The following PTPRD variants were observed in gnomAD, a reference collection of about 807,000 sequenced individuals.
PTPRD encodes the protein protein tyrosine phosphatase receptor type D.
A neutral mutation model predicts 214.5 loss-of-function variants in PTPRD; 34 were observed. The observed-to-expected ratio is 0.16, with a 90% confidence interval of 0.12 to 0.21. The LOEUF (loss-of-function observed/expected upper bound fraction) is 0.21. PTPRD is among the 10% of genes least tolerant of loss of function. The probability of loss-of-function intolerance (pLI) is 1.00; values close to 1 mark genes in which losing one functional copy is unlikely to be tolerated. For missense variants in PTPRD, 2,545 were observed against 2,398.7 expected (o/e 1.06, Z -1.27); for synonymous variants, 1,128 against 845.7 (o/e 1.33, Z -5.79).
intron 11 of PTPRD, chr9:8,860,145 CAG>C (rs1365812244): frequency 1.3e-5 from 2 of 152,192 alleles, no homozygotes; most frequent in Admixed American, 6.5e-5. Flanking sequence ...GTTAGAGAAA[CAG>C]AAAGTTTTAA....
At chr9:9,409,211 G>C (rs978360048) in intron 8 of PTPRD, among the ~76,000 whole-genome samples, 36 of 151,700 alleles carry the variant, frequency 2.4e-4, no homozygotes, top group African/African-American at 8.2e-4. Flanking sequence ...AAAGTCAGGG[G>C]TATTCTATGA....
chr9:9,083,797 A>T (rs1274538627), intron 10 of PTPRD, among the ~76,000 whole-genome samples: 3 of 152,200 alleles, frequency 2.0e-5, no homozygotes, highest in Non-Finnish European at 4.4e-5. Context: ...AAAACATATG[A>T]AAAAAAGCTC....
At chr9:8,499,559 C>T (rs1348995074) in intron 25 of PTPRD, 88 bp downstream of exon 25, 88 of 1,415,186 alleles carry the variant, frequency 6.2e-5, no homozygotes, top group South Asian at 2.2e-4. Context: ...TTTTAAATGT[C>T]GAAAAACTAA....
intron 7 of PTPRD, among the ~76,000 whole-genome samples, chr9:9,725,149 A>T (rs1441777139): frequency 6.6e-6 from 1 of 152,136 alleles, no homozygotes; most frequent in Non-Finnish European, 1.5e-5. Context: ...CTGTGTCCCC[A>T]ATCAAATCTC....
chr9:10,313,790 C>T (rs1055689396), intron 3 of PTPRD, among the ~76,000 whole-genome samples: 8 of 151,862 alleles, frequency 5.3e-5, no homozygotes, highest in Non-Finnish European at 1.0e-4. Context: ...AAACTAACAC[C>T]GCCTGTTAGA....
chr9:10,448,494 A>G (rs1264507397), intron 2 of PTPRD, among the ~76,000 whole-genome samples: 1 of 152,020 alleles, frequency 6.6e-6, no homozygotes, highest in Non-Finnish European at 1.5e-5. Flanking sequence ...AAGGTGGTTC[A>G]TCTAAAACAT....
chr9:10,463,726 C>T (rs34505179), intron 2 of PTPRD, among the ~76,000 whole-genome samples: 21,825 of 151,536 alleles, frequency 0.14, 2,182 homozygotes, highest in East Asian at 0.34. Flanking sequence ...CAGACACTAA[C>T]AGAGGAATAA....
chr9:9,326,900 C>G (rs1052140073), intron 9 of PTPRD, among the ~76,000 whole-genome samples: 13 of 152,160 alleles, frequency 8.5e-5, no homozygotes, highest in Admixed American at 3.9e-4. Flanking sequence ...TTCTCTTGTC[C>G]CAGAAGCTAA....
intron 10 of PTPRD, among the ~76,000 whole-genome samples, chr9:9,057,870 T>G (rs2099699200): frequency 6.6e-6 from 1 of 152,166 alleles, no homozygotes. Flanking sequence ...GGAAAATAAT[T>G]ATAATATTAG....
intron 3 of PTPRD, among the ~76,000 whole-genome samples, chr9:10,246,508 T>G (rs1667515425): frequency 6.6e-6 from 1 of 152,166 alleles, no homozygotes. Context: ...GGTACCAAAG[T>G]CCTGGGGGTG....
At chr9:9,785,409 TC>T (rs1255637598) in intron 5 of PTPRD, among the ~76,000 whole-genome samples, 1 of 152,072 alleles carries the variant, frequency 6.6e-6, no homozygotes, top group African/African-American at 2.4e-5. Flanking sequence ...AAAGTATATA[TC>T]ATTATCATGT....
chr9:9,767,292 G>C (rs1772077315), intron 5 of PTPRD, among the ~76,000 whole-genome samples: 1 of 151,890 alleles, frequency 6.6e-6, no homozygotes. Context: ...ATCAAAAAGT[G>C]GCAGTGAAGC....
chr9:8,710,116 G>C (rs1338462601), intron 12 of PTPRD, among the ~76,000 whole-genome samples: 1 of 152,132 alleles, frequency 6.6e-6, no homozygotes, highest in Non-Finnish European at 1.5e-5. Flanking sequence ...CACATCCTAA[G>C]TGCCCAATAA....
intron 3 of PTPRD, among the ~76,000 whole-genome samples, chr9:10,094,619 C>A (rs1320336301): frequency 1.3e-5 from 2 of 149,096 alleles, no homozygotes; most frequent in African/African-American, 4.9e-5. Context: ...TCGGACATTA[C>A]CCACATCTGT....
chr9:8,448,657 A>G (rs988766712), intron 34 of PTPRD, among the ~76,000 whole-genome samples: 4 of 152,212 alleles, frequency 2.6e-5, no homozygotes, highest in Non-Finnish European at 5.9e-5. Context: ...TTGTATAGCC[A>G]CACTGAAAAT....
chr9:8,510,890 CTT>C (rs920107197), intron 21 of PTPRD, among the ~76,000 whole-genome samples: 2 of 151,984 alleles, frequency 1.3e-5, no homozygotes, highest in African/African-American at 2.4e-5. Flanking sequence ...TAAGAAAACA[CTT>C]TGTTTTCTCT....
intron 7 of PTPRD, among the ~76,000 whole-genome samples, chr9:9,704,542 A>G (rs969108894): frequency 1.3e-5 from 2 of 152,188 alleles, no homozygotes; most frequent in Non-Finnish European, 2.9e-5. Context: ...CTTACCTTGT[A>G]TTTGGACTAG....
chr9:9,025,151 C>T (rs2099582683), intron 10 of PTPRD, among the ~76,000 whole-genome samples: 2 of 152,028 alleles, frequency 1.3e-5, no homozygotes, highest in Admixed American at 6.6e-5. Context: ...AAACATTTTT[C>T]ATTGCTTTAT....
chr9:9,500,579 TCCC>T (rs59566187), intron 8 of PTPRD, among the ~76,000 whole-genome samples: 5,177 of 152,070 alleles, frequency 0.034, 294 homozygotes, highest in African/African-American at 0.12. Context: ...GAGAGTGGGT[TCCC>T]TGTGGAACAC....
Sources: allele counts gnomAD v4.1 joint callset (sites outside exome capture counted in the v4.1 genomes callset), GRCh38; gene constraint gnomAD v4.1.1; transcripts MANE v1.5; gene names NCBI Gene and HGNC (gene_info 2026-07-23, HGNC 2026-07-21).